TMEM131L: variants seen among roughly 807,000 people sequenced by gnomAD.
TMEM131L encodes transmembrane 131 like.
In TMEM131L, 54 loss-of-function variants were observed where a neutral mutation model predicts 192.2. That is an observed-to-expected ratio of 0.28 (90% CI 0.23 to 0.35). TMEM131L has a LOEUF of 0.35. Among genes scored for constraint, TMEM131L ranks in the 10% least tolerant of loss-of-function variants. TMEM131L has a pLI of 1.00. For missense variants in TMEM131L, 1,888 were observed against 1,972.9 expected, an observed-to-expected ratio of 0.96 and a Z score of 0.82; for synonymous variants, 701 against 704.9, an observed-to-expected ratio of 0.99 and a Z score of 0.09.
chr4:153,488,175 C>A (rs1732497407), intron 3 of TMEM131L, among the ~76,000 whole-genome samples: 1 of 149,826 alleles, frequency 6.7e-6, no homozygotes, highest in Non-Finnish European at 1.5e-5. Flanking sequence ...GAGAGAGAGA[C>A]CCTGTGGGCC....
chr4:153,488,914 G>A (rs1732565021), intron 3 of TMEM131L, among the ~76,000 whole-genome samples: 2 of 152,206 alleles, frequency 1.3e-5, no homozygotes, highest in Middle Eastern at 3.4e-3. Flanking sequence ...GTCGCACAGC[G>A]CTCTCCCTGG....
intron 7 of TMEM131L, among the ~76,000 whole-genome samples, chr4:153,561,103 T>C (rs79181156): frequency 0.023 from 3,543 of 152,334 alleles, 96 homozygotes; most frequent in Middle Eastern, 0.095. Flanking sequence ...TGGTATCTCA[T>C]GTGGTTTTGA....
chr4:153,591,577 G>A (rs894558077), intron 17 of TMEM131L, among the ~76,000 whole-genome samples: 20 of 152,134 alleles, frequency 1.3e-4, no homozygotes, highest in Admixed American at 2.6e-4. Context: ...CATCCTTAGC[G>A]TGTTGACTTC....
intron 3 of TMEM131L, among the ~76,000 whole-genome samples, chr4:153,480,545 T>G (rs1295123067): frequency 1.2e-4 from 17 of 136,688 alleles, no homozygotes; most frequent in Non-Finnish European, 4.7e-5. Flanking sequence ...AAAAAGGAAA[T>G]GGAAGTTCCT....
chr4:153,473,810 A>G (rs1033584862), intron 2 of TMEM131L, 35 bp from the exon 3 acceptor site: 3 of 1,526,906 alleles, frequency 2.0e-6, no homozygotes, highest in African/African-American at 2.8e-5. Context: ...ACGAACAAAC[A>G]GAAACAACGG....
intron 3 of TMEM131L, among the ~76,000 whole-genome samples, chr4:153,530,658 T>G (rs1180892963): frequency 6.6e-6 from 1 of 152,158 alleles, no homozygotes; most frequent in African/African-American, 2.4e-5. Flanking sequence ...AAGTTCGACC[T>G]CTGGAGCATA....
intron 3 of TMEM131L, among the ~76,000 whole-genome samples, chr4:153,516,768 C>A (rs542108636): frequency 6.6e-6 from 1 of 152,102 alleles, no homozygotes; most frequent in African/African-American, 2.4e-5. Flanking sequence ...CAGTTTCTTA[C>A]GAGCCTCCCA....
intron 3 of TMEM131L, among the ~76,000 whole-genome samples, chr4:153,520,877 G>T (rs1735063229): frequency 6.6e-6 from 1 of 152,212 alleles, no homozygotes; most frequent in African/African-American, 2.4e-5. Flanking sequence ...CCCTTTCCCA[G>T]GGGTAATTGT....
At chr4:153,507,516 C>A in intron 3 of TMEM131L, among the ~76,000 whole-genome samples, 1 of 152,268 alleles carries the variant, frequency 6.6e-6, no homozygotes, top group South Asian at 2.1e-4. Flanking sequence ...TCTGGAACAT[C>A]GTGTTCACAT....
intron 3 of TMEM131L, among the ~76,000 whole-genome samples, chr4:153,534,191 G>A (rs937019087): frequency 1.3e-5 from 2 of 152,172 alleles, no homozygotes; most frequent in African/African-American, 4.8e-5. Context: ...ATACAAAACA[G>A]CAAACCAAAT....
At position 153,486,844 on chromosome 4, in the gene TMEM131L, A is replaced by G. The variant is rs116399157; in HGVS notation, c.239+12956A>G. 7.0e-3 allele frequency among the ~76,000 whole-genome samples: 1,059 copies of G among 152,302 alleles called. 10 individuals are homozygous for G. The highest frequency in any genetic ancestry group is 0.024 in the African/African-American group (1,007 of 41,560). On this transcript the variant is annotated intron_variant, in intron 3 of 34. Transcript: ENST00000409959. ...GCAGGGTTTAGTCATAGGGAGCACA[A>G]CCCGGCTTTGCCTAAGTGGGAGGAA...
intron 24 of TMEM131L, 45 bp from the exon 25 acceptor site, chr4:153,603,757 G>T (rs1304633267): frequency 1.3e-6 from 2 of 1,532,148 alleles, no homozygotes; most frequent in Non-Finnish European, 1.8e-6. Context: ...AGTAGAGTTT[G>T]ATTTGATTTG....
At chr4:153,495,374 G>A (rs757620623) in intron 3 of TMEM131L, among the ~76,000 whole-genome samples, 8 of 151,988 alleles carry the variant, frequency 5.3e-5, no homozygotes, top group Non-Finnish European at 1.2e-4. Flanking sequence ...GGATATGCCC[G>A]GAACACAGCC....
At position 153,636,635 on chromosome 4, in the gene TMEM131L, A is replaced by G; in HGVS notation, c.*59A>G. On this transcript the variant is annotated 3_prime_UTR_variant, in exon 35 of 35. Transcript: ENST00000409959. The stretch of plus-strand genomic sequence containing the variant: ...AGGCTTGTGTTTTGATTACTAGTGT[A>G]AACTGGTTATTGAGATAGATTATGA... The G allele has an allele frequency of 6.6e-7, 1 of 1,516,970 alleles. No individual in the cohort carries two copies. Among genetic ancestry groups the G allele is most frequent in the Non-Finnish European group, 9.0e-7 (1 of 1,109,082 alleles). 94.0% of individuals were successfully genotyped at this position (1,516,970 alleles called of 1,614,324 possible).
At chr4:153,569,451 C>T (rs1333059426) in intron 7 of TMEM131L, among the ~76,000 whole-genome samples, 2 of 152,236 alleles carry the variant, frequency 1.3e-5, no homozygotes, top group African/African-American at 2.4e-5. Flanking sequence ...TTCACATCTT[C>T]CTCTGTTTCC....
At chr4:153,507,325 A>G (rs1027121997) in intron 3 of TMEM131L, among the ~76,000 whole-genome samples, 1 of 152,192 alleles carries the variant, frequency 6.6e-6, no homozygotes, top group Non-Finnish European at 1.5e-5. Flanking sequence ...TGAAGGACTA[A>G]CTGCTAGAGG....
intron 3 of TMEM131L, among the ~76,000 whole-genome samples, chr4:153,483,573 A>T (rs925438971): frequency 3.9e-5 from 6 of 151,980 alleles, no homozygotes; most frequent in African/African-American, 1.5e-4. Flanking sequence ...GGTGATGTGC[A>T]CCTATAGGCC....
intron 3 of TMEM131L, among the ~76,000 whole-genome samples, chr4:153,518,531 A>G (rs1734891621): frequency 6.6e-6 from 1 of 150,910 alleles, no homozygotes; most frequent in Non-Finnish European, 1.5e-5. Flanking sequence ...TCAGCACAAA[A>G]TCACTGGAGA....
chr4:153,473,955 A>G, intron 3 of TMEM131L, 67 bp downstream of exon 3: 2 of 1,069,574 alleles, frequency 1.9e-6, no homozygotes, highest in South Asian at 1.5e-5. Context: ...TGCTCTCTGA[A>G]GTCTCAGTAT....
Sources: allele counts gnomAD v4.1 joint callset (sites outside exome capture counted in the v4.1 genomes callset), GRCh38; gene constraint gnomAD v4.1.1; transcripts MANE v1.5; gene names NCBI Gene and HGNC (gene_info 2026-07-23, HGNC 2026-07-21).